Variants in TPO observed in about 807,000 individuals in gnomAD.
TPO encodes thyroid microsomal antigen.
In TPO, 78 loss-of-function variants were observed where a neutral mutation model predicts 96.9. The ratio of observed to expected loss-of-function variants is 0.81; its 90% CI spans 0.67 to 0.97. The LOEUF (loss-of-function observed/expected upper bound fraction) is 0.97, where lower values mean the gene tolerates loss of function less well. TPO is among the 50% of genes least tolerant of loss of function. The pLI is 0.00. For missense variants in TPO, 1,252 were observed against 1,274.8 expected (o/e 0.98, Z 0.27); for synonymous variants, 547 against 538.0 (o/e 1.02, Z -0.23).
At chr2:1,468,613 G>C (rs1420740805) in intron 7 of TPO, among the ~76,000 whole-genome samples, 4 of 152,096 alleles carry the variant, frequency 2.6e-5, no homozygotes. Context: ...AGGTTACCTG[G>C]TGTTTTTGTT....
At chr2:1,538,937 G>T (rs947108020) in intron 15 of TPO, among the ~76,000 whole-genome samples, 1 of 152,066 alleles carries the variant, frequency 6.6e-6, no homozygotes, top group Non-Finnish European at 1.5e-5. Context: ...GACTCCTCAC[G>T]CCAACCTCTC....
At chr2:1,463,090 A>G (rs1012445307) in intron 7 of TPO, among the ~76,000 whole-genome samples, 2 of 152,252 alleles carry the variant, frequency 1.3e-5, no homozygotes, top group African/African-American at 4.8e-5. Context: ...AGGCAAGACC[A>G]CATCTGGCAG....
chr2:1,419,882 T>C (rs1314950488), intron 2 of TPO, among the ~76,000 whole-genome samples: 1 of 152,228 alleles, frequency 6.6e-6, no homozygotes, highest in African/African-American at 2.4e-5. Context: ...TTTGTCAGTC[T>C]AATTTCAATG....
intron 14 of TPO, among the ~76,000 whole-genome samples, chr2:1,505,744 C>G (rs1275994072): frequency 6.6e-6 from 1 of 152,020 alleles, no homozygotes; most frequent in African/African-American, 2.4e-5. Flanking sequence ...TCCTCCACCC[C>G]TCAACAGGCC....
intron 7 of TPO, among the ~76,000 whole-genome samples, chr2:1,469,872 T>A (rs1239852015): frequency 6.6e-6 from 1 of 152,168 alleles, no homozygotes; most frequent in African/African-American, 2.4e-5. Flanking sequence ...CGGTTTCTCT[T>A]GGCTTTCCTA....
intron 5 of TPO, among the ~76,000 whole-genome samples, chr2:1,441,276 G>A (rs898095328): frequency 1.2e-4 from 18 of 152,190 alleles, no homozygotes; most frequent in Admixed American, 3.3e-4. Flanking sequence ...TTGTTGGTAC[G>A]GTGTGGCCAA....
chr2:1,482,871 CAG>C (rs1376219798), intron 8 of TPO, among the ~76,000 whole-genome samples: 3 of 152,236 alleles, frequency 2.0e-5, no homozygotes, highest in African/African-American at 4.8e-5. Context: ...TTTGTAGAAA[CAG>C]AGTCTGACTG....
chr2:1,486,834 C>T (rs535521231), intron 9 of TPO, among the ~76,000 whole-genome samples: 23 of 152,230 alleles, frequency 1.5e-4, no homozygotes, highest in Middle Eastern at 3.4e-3. Context: ...GCAGTGCGTC[C>T]GGCGATACCT....
chr2:1,453,793 CT>C lies in TPO; in HGVS notation c.584del (p.Phe195SerfsTer14). The C allele has an allele frequency of 1.2e-6, 2 of 1,613,862 alleles. No homozygotes were observed. The highest frequency in any genetic ancestry group is 1.7e-6 in the Non-Finnish European group (2 of 1,180,036). The stretch of plus-strand genomic sequence containing the variant: ...GTCAGCCCCGAGGCTGGAACCCCGG[CT>C]TCTTGTACAACGGGTTCCCACTGCC... ...FSQPRGWNPGFLYNGFPLPPV... is the reference protein window; with the variant it reads ...FSQPRGWNPGXLYNGFPLPPV... On this transcript the variant is annotated frameshift_variant, in exon 6 of 17. Coordinates refer to ENST00000329066, the MANE Select transcript of TPO (RefSeq NM_001206744.2). LOFTEE classifies it high-confidence loss of function.
At chr2:1,512,577 G>A in intron 14 of TPO, 1 of 759,180 alleles carries the variant, frequency 1.3e-6, no homozygotes, top group Non-Finnish European at 1.6e-6. Flanking sequence ...TGAAGTCAGG[G>A]TCCGCCGCAG....
At chr2:1,512,934 C>T (rs1674308658) in intron 14 of TPO, among the ~76,000 whole-genome samples, 2 of 152,236 alleles carry the variant, frequency 1.3e-5, no homozygotes, top group African/African-American at 4.8e-5. Context: ...GGATGCTGGG[C>T]ATGACCTTTC....
chr2:1,477,250 C>G lies in TPO; in HGVS notation c.984C>G (p.Thr328=). Residue 328 remains threonine, a synonymous_variant, in exon 8 of 17, where the codon ACC becomes ACG. Coordinates refer to ENST00000329066, the MANE Select transcript of TPO (RefSeq NM_001206744.2). ...NGLTSFLDAS[T]VYGSSPALER... ...TGACCTCGTTCCTGGACGCGTCCAC[C>G]GTGTATGGCAGCTCCCCGGCCCTAG... 1 of 1,607,650 alleles carries G rather than the reference C, an allele frequency of 6.2e-7. No individual in the cohort carries two copies. Among genetic ancestry groups the G allele is most frequent in the Non-Finnish European group, 8.5e-7 (1 of 1,178,102 alleles).
intron 15 of TPO, among the ~76,000 whole-genome samples, chr2:1,536,113 A>G (rs1456317200): frequency 7.4e-4 from 13 of 17,540 alleles, no homozygotes; most frequent in African/African-American, 2.1e-3. Context: ...TCCCCCCATT[A>G]TGTGCAACCT....
rs753786141 is a variant in TPO at position 1,540,697 on chromosome 2, C to T, written c.2722C>T (p.Arg908Trp). The change falls in exon 16 of 17, where the codon CGG becomes TGG. Residue 908 changes from arginine to tryptophan, a missense_variant. Physicochemically the swap from Arg to Trp is moderately radical, Grantham distance 101 (BLOSUM62 -3). Transcript: ENST00000329066. ...CCAGGCCGTAGGGACCTCACCGCAG[C>T]GGGCCGCAGCTCAGGACTCGGAGCA... ...KHQAVGTSPQ[R>W]AAAQDSEQES... is the part of the protein sequence containing the mutation. The T allele has an allele frequency of 7.4e-6, 12 of 1,613,270 alleles. No homozygotes were observed. In the Admixed American group the frequency reaches 1.3e-4, roughly 18 times the overall value.
At chr2:1,508,394 C>G (rs1345014159) in intron 14 of TPO, among the ~76,000 whole-genome samples, 1 of 152,144 alleles carries the variant, frequency 6.6e-6, no homozygotes, top group Non-Finnish European at 1.5e-5. Flanking sequence ...ATGATGCTGG[C>G]CTCATAAAAT....
chr2:1,409,928 C>G (rs1662303009), upstream of TPO, among the ~76,000 whole-genome samples: 1 of 119,196 alleles, frequency 8.4e-6, no homozygotes, highest in African/African-American at 3.6e-5. Context: ...TGGTGGACAC[C>G]TAGGGTTACG....
rs573255015 is a variant in TPO, at chr2:1,508,400, A to C, written c.2518+4321A>C. Among the ~76,000 whole-genome samples, 108 of 152,324 alleles carry C rather than the reference A, an allele frequency of 7.1e-4. 1 individual carries two copies. The highest frequency in any genetic ancestry group is 2.6e-3 in the African/African-American group (108 of 41,562). On this transcript the variant is annotated intron_variant, in intron 14 of 16. Transcript: ENST00000329066. ...GGTATCAGGATGATGCTGGCCTCAT[A>C]AAATGAGTTAGGGAGGATTCCCGCT...
chr2:1,413,660 G>A (rs371635194), intron 1 of TPO, 115 bp downstream of exon 1: 10 of 985,280 alleles, frequency 1.0e-5, no homozygotes, highest in East Asian at 1.1e-4. Context: ...TATGGGTGGC[G>A]TCTCTCAGCA....
chr2:1,383,524 C>A (rs1159468822), intron 1 of TPO, among the ~76,000 whole-genome samples: 3 of 152,188 alleles, frequency 2.0e-5, no homozygotes, highest in Non-Finnish European at 4.4e-5. Context: ...TAAATGTCTT[C>A]TTTTGAGAAG....
Sources: gnomAD v4.1 joint callset for allele counts (sites outside exome capture counted in the v4.1 genomes callset) on GRCh38, gnomAD v4.1.1 for gene constraint, MANE v1.5 for transcripts, NCBI Gene and HGNC (gene_info 2026-07-23, HGNC 2026-07-21) for gene names.